DMTN: variants seen among roughly 807,000 people sequenced by gnomAD.
DMTN encodes the protein dematin.
In DMTN, 27 loss-of-function variants were observed where a neutral mutation model predicts 59.4. The ratio of observed to expected loss-of-function variants is 0.45; its 90% CI spans 0.33 to 0.63. The LOEUF (loss-of-function observed/expected upper bound fraction) is 0.63. DMTN is among the 20% of genes least tolerant of loss of function. DMTN has a pLI of 0.02. For missense variants in DMTN, 451 were observed against 528.9 expected (o/e 0.85, Z 1.45); for synonymous variants, 221 against 203.7 (o/e 1.08, Z -0.72).
intron 1 of DMTN, among the ~76,000 whole-genome samples, chr8:22,063,735 C>A (rs1808322979): frequency 6.6e-6 from 1 of 152,176 alleles, no homozygotes; most frequent in Non-Finnish European, 1.5e-5. Flanking sequence ...ACCTCAGATA[C>A]CTCTTCCTCC....
In DMTN at chr8:22,082,267, AC is replaced by A. The variant is rs762996432; in HGVS notation, c.*811del. 1 of 453,310 alleles carries A rather than the reference AC, an allele frequency of 2.2e-6. No homozygotes were observed. The highest frequency in any genetic ancestry group is 3.3e-4 in the Middle Eastern group (1 of 3,074). 28.1% of individuals were successfully genotyped at this position (453,310 alleles called of 1,614,324 possible). On this transcript the variant is annotated 3_prime_UTR_variant, in exon 16 of 16. Transcript: ENST00000358242. ...TACCAGCTCTCACCTACACCCACGC[AC>A]CCCCCCACACACTATGCTCTCTCAA...
chr8:22,054,294 T>C (rs1231706987), upstream of DMTN, among the ~76,000 whole-genome samples: 3 of 133,924 alleles, frequency 2.2e-5, no homozygotes, highest in Non-Finnish European at 4.8e-5. Flanking sequence ...TGGAGGGACA[T>C]TCCGATAGAA....
upstream of DMTN, among the ~76,000 whole-genome samples, chr8:22,049,573 C>A (rs953522966): frequency 1.2e-5 from 1 of 83,494 alleles, no homozygotes; most frequent in African/African-American, 7.9e-5. Flanking sequence ...GGGACAACCC[C>A]CCCCCCCCGC....
At position 22,069,465 on chromosome 8, in the gene DMTN, C is replaced by T; in HGVS notation, c.341C>T (p.Ala114Val). Reference sequence around the variant, plus strand: ...CCTGGAATCATCTCTCAGGCCTCGGCCCCCAGAACCACTGGAACCCCCCGG... The same window carrying T: ...CCTGGAATCATCTCTCAGGCCTCGGTCCCCAGAACCACTGGAACCCCCCGG... ...RSPGIISQAS[A>V]PRTTGTPRTS... Residue 114 changes from alanine (A) to valine (V), a missense_variant, in exon 6 of 16, where the codon GCC becomes GTC. Physicochemically the swap from Ala to Val is moderately conservative, Grantham distance 64. Coordinates refer to ENST00000358242, the MANE Select transcript of DMTN (RefSeq NM_001387751.1). 2 of 1,613,092 alleles carry T rather than the reference C, an allele frequency of 1.2e-6. No homozygotes were observed. Among genetic ancestry groups the T allele is most frequent in the Middle Eastern group, 1.7e-4 (1 of 6,056 alleles).
intron 10 of DMTN, among the ~76,000 whole-genome samples, chr8:22,078,403 TCATATATATGTATATATGTGAATATATA>T (rs535516654): frequency 2.0e-5 from 3 of 148,892 alleles, no homozygotes; most frequent in Middle Eastern, 3.6e-3. Flanking sequence ...ATACATATAT[TCATATATATGTATATATGTGAATATATA>T]CATATATATG....
intron 10 of DMTN, among the ~76,000 whole-genome samples, chr8:22,074,269 G>GT (rs1554555054): frequency 6.6e-6 from 1 of 151,056 alleles, no homozygotes; most frequent in Non-Finnish European, 1.5e-5. Flanking sequence ...GTGGTTGTTT[G>GT]TTGTTTGTTT....
Position 22,081,960 on chromosome 8 carries a change from G to T in DMTN, c.*497G>T, listed in dbSNP as rs1408845510. 5 of 450,676 alleles carry T rather than the reference G, an allele frequency of 1.1e-5. No individual in the cohort carries two copies. The highest frequency in any genetic ancestry group is 2.2e-5 in the Non-Finnish European group (5 of 225,462). 27.9% of individuals were successfully genotyped at this position (450,676 alleles called of 1,614,324 possible). On this transcript the variant is annotated 3_prime_UTR_variant, in exon 16 of 16. Coordinates refer to ENST00000358242, the MANE Select transcript of DMTN (RefSeq NM_001387751.1). ...CTGACTCTAGTGGGAACAGGCCCCA[G>T]CTCAGCCTCCGGCAGGGAGGTCACC... is the stretch of plus-strand genomic sequence containing the variant.
chr8:22,081,315 C>T (rs763269544), intron 15 of DMTN, 35 bp from the exon 16 acceptor site: 17 of 1,605,368 alleles, frequency 1.1e-5, no homozygotes, highest in Non-Finnish European at 1.4e-5. Flanking sequence ...GCCCCCTCCC[C>T]CTCCATGCTG....
At chr8:22,076,784 A>G (rs1331643088) in intron 10 of DMTN, among the ~76,000 whole-genome samples, 2 of 151,942 alleles carry the variant, frequency 1.3e-5, no homozygotes, top group East Asian at 1.9e-4. Context: ...ATATACATAT[A>G]TATATATTAG....
intron 9 of DMTN, 106 bp downstream of exon 9, chr8:22,072,556 C>T (rs1005080604): frequency 1.0e-5 from 13 of 1,249,080 alleles, no homozygotes; most frequent in South Asian, 1.0e-4. Context: ...CCTCCGCTCC[C>T]AGGTTCAAGT....
rs1290722197 is a variant in DMTN at position 22,081,156 on chromosome 8, C to G, written c.1067C>G (p.Thr356Ser). The G allele has an allele frequency of 6.2e-7, 1 of 1,606,686 alleles. No homozygotes were observed. Among genetic ancestry groups the G allele is most frequent in the Non-Finnish European group, 8.5e-7 (1 of 1,176,588 alleles). ...CTAGTGGTGACCAACAAGGGGCGAA[C>G]CAAGCTGCCACCGGGGGTGGATCGG... ...EMLVVTNKGRTKLPPGVDRMR... is the reference protein window; with the variant it reads ...EMLVVTNKGRSKLPPGVDRMR... The change falls in exon 15 of 16, where the codon ACC (threonine) becomes AGC (serine). Residue 356 changes from threonine (T) to serine (S), a missense_variant. Thr to Ser is a moderately conservative substitution (Grantham distance 58, BLOSUM62 1). Coordinates refer to ENST00000358242, the MANE Select transcript of DMTN (RefSeq NM_001387751.1).
In DMTN at chr8:22,082,123, C is replaced by T. The variant is rs1190985206; in HGVS notation, c.*660C>T. Reference sequence around the variant, plus strand: ...CACACGATCCTGGCCCTCCACCTGCCTCCAGGCCACGAAATGGGAATTCCA... The same window carrying T: ...CACACGATCCTGGCCCTCCACCTGCTTCCAGGCCACGAAATGGGAATTCCA... On this transcript the variant is annotated 3_prime_UTR_variant, in exon 16 of 16. Transcript: ENST00000358242. 1 of 456,438 alleles carries T rather than the reference C, an allele frequency of 2.2e-6. No individual in the cohort carries two copies. Among genetic ancestry groups the T allele is most frequent in the Non-Finnish European group, 4.4e-6 (1 of 226,688 alleles). The allele number at this position is 456,438 out of a possible 1,614,324, so 28.3% of individuals were successfully genotyped here. A position where few individuals can be genotyped will look rare whatever the true frequency, so the allele number is the denominator to read the frequency against.
chr8:22,049,475 C>G (rs1267868918), upstream of DMTN, among the ~76,000 whole-genome samples: 1 of 151,536 alleles, frequency 6.6e-6, no homozygotes, highest in Non-Finnish European at 1.5e-5. Flanking sequence ...TCCAGGTGTG[C>G]GTGTGGGGAG....
chr8:22,080,756 G>C (rs1043874475), intron 13 of DMTN, 49 bp from the exon 14 acceptor site: 1 of 1,595,504 alleles, frequency 6.3e-7, no homozygotes, highest in Non-Finnish European at 8.5e-7. Flanking sequence ...GTAAGGCTGG[G>C]AAGGTCTCCC....
intron 1 of DMTN, among the ~76,000 whole-genome samples, chr8:22,063,143 C>G (rs1432187471): frequency 1.3e-5 from 2 of 152,230 alleles, no homozygotes; most frequent in Admixed American, 1.3e-4. Flanking sequence ...CCACTACAAC[C>G]TCCACCTGTC....
intron 2 of DMTN, 57 bp downstream of exon 2, chr8:22,066,950 G>C (rs1235134992): frequency 2.0e-5 from 25 of 1,245,308 alleles, no homozygotes; most frequent in Non-Finnish European, 2.5e-5. Context: ...CCGCTTGGGA[G>C]TCCAGGGCGC....
chr8:22,069,083 A>G (rs370494584), intron 5 of DMTN, 23 bp downstream of exon 5: 3 of 1,608,918 alleles, frequency 1.9e-6, no homozygotes, highest in Non-Finnish European at 2.5e-6. Flanking sequence ...CACACCTGCA[A>G]CTTGCCCTGC....
chr8:22,069,428 G>T lies in DMTN; in HGVS notation c.304G>T (p.Asp102Tyr), dbSNP rs1813439069. The change falls in exon 6 of 16, where the codon GAC becomes TAC. Residue 102 changes from aspartate (D) to tyrosine (Y), a missense_variant. Transcript: ENST00000358242. ...SPPPSPEVWA[D>Y]SRSPGIISQA... is the part of the protein sequence containing the mutation. ...CGCTTCTGCTCTGCAGGTGTGGGCGGACAGCCGGTCGCCTGGAATCATCTC... is the reference window on the plus strand; with the variant it reads ...CGCTTCTGCTCTGCAGGTGTGGGCGTACAGCCGGTCGCCTGGAATCATCTC... 2 of 1,612,722 alleles carry T rather than the reference G, an allele frequency of 1.2e-6. No homozygotes were observed. The highest frequency in any genetic ancestry group is 1.7e-6 in the Non-Finnish European group (2 of 1,179,444).
In DMTN at chr8:22,081,094, C is replaced by CGGGGGGG; in HGVS notation, c.1024-19_1024-18insGGGGGGG. ...AGGATATTCTGTGAGCCTAAGATTG[C>CGGGGGGG]CCCTCCCCCCACCCCCAGATCTATC... On this transcript the variant is annotated intron_variant, in intron 14 of 15. Coordinates refer to ENST00000358242, the MANE Select transcript of DMTN (RefSeq NM_001387751.1). 6.7e-6 allele frequency: 4 copies of CGGGGGGG among 599,798 alleles called. No individual in the cohort carries two copies. Among genetic ancestry groups the CGGGGGGG allele is most frequent in the Non-Finnish European group, 1.2e-5 (4 of 323,070 alleles). 37.2% of individuals were successfully genotyped at this position (599,798 alleles called of 1,614,324 possible).
Sources: allele counts gnomAD v4.1 joint callset (sites outside exome capture counted in the v4.1 genomes callset), GRCh38; gene constraint gnomAD v4.1.1; transcripts MANE v1.5; gene names NCBI Gene and HGNC (gene_info 2026-07-23, HGNC 2026-07-21).